DGKG: variants seen among roughly 807,000 people sequenced by gnomAD.
The protein encoded by DGKG is diacylglycerol kinase gamma, also known as DAG kinase gamma.
DGKG carries 78 observed loss-of-function variants against 105.3 expected under a neutral mutation model. The ratio of observed to expected loss-of-function variants is 0.74; its 90% CI spans 0.62 to 0.89. The LOEUF (loss-of-function observed/expected upper bound fraction) is 0.89, where lower values mean the gene tolerates loss of function less well. Among genes scored for constraint, DGKG ranks in the 40% least tolerant of loss-of-function variants. The pLI, the probability that DGKG is intolerant of heterozygous loss-of-function variation, is 0.00. For synonymous variants in DGKG, 346 were observed against 367.1 expected (o/e 0.94, Z 0.66); for missense variants, 958 against 1,020.1 (o/e 0.94, Z 0.83).
intron 8 of DGKG, among the ~76,000 whole-genome samples, chr3:186,280,205 T>C (rs1311675525): frequency 1.3e-5 from 2 of 152,182 alleles, no homozygotes; most frequent in African/African-American, 2.4e-5. Context: ...GGTTTGCTTA[T>C]CTGTAAAAAT....
intron 14 of DGKG, among the ~76,000 whole-genome samples, chr3:186,264,243 G>A (rs966067039): frequency 1.5e-5 from 2 of 137,134 alleles, no homozygotes; most frequent in Non-Finnish European, 3.2e-5. Flanking sequence ...CCCCTCATTC[G>A]GCCTTATGTT....
chr3:186,299,977 A>G (rs1165195548), intron 3 of DGKG, among the ~76,000 whole-genome samples: 1 of 151,866 alleles, frequency 6.6e-6, no homozygotes, highest in African/African-American at 2.4e-5. Flanking sequence ...AGCTGGGATT[A>G]CAGGCACGTG....
chr3:186,258,078 A>G (rs1578736833), intron 16 of DGKG, 139 bp from the exon 17 acceptor site: 8 of 679,758 alleles, frequency 1.2e-5, no homozygotes, highest in South Asian at 5.2e-5. Context: ...GGGTCACTCA[A>G]TGTTCTGAAA....
intron 10 of DGKG, 98 bp from the exon 11 acceptor site, chr3:186,272,441 G>T: frequency 1.2e-6 from 1 of 844,992 alleles, no homozygotes; most frequent in East Asian, 2.6e-5. Flanking sequence ...CCTCCCTTTG[G>T]GTGGCTGGCG....
At chr3:186,294,008 T>A (rs986747185) in intron 5 of DGKG, among the ~76,000 whole-genome samples, 1 of 152,200 alleles carries the variant, frequency 6.6e-6, no homozygotes, top group Non-Finnish European at 1.5e-5. Flanking sequence ...AGTCAGATAA[T>A]TGCCCTTTCA....
Position 186,149,953 on chromosome 3 carries a change from C to A in DGKG, c.*137G>T. Reference sequence around the variant, plus strand: ...GTGACGTTTTCTTCCCGAAGGGTGGCTTTGCTTCCACTGGTTAGAGAAGAG... The same window carrying A: ...GTGACGTTTTCTTCCCGAAGGGTGGATTTGCTTCCACTGGTTAGAGAAGAG... On this transcript the variant is annotated 3_prime_UTR_variant, in exon 25 of 25. Coordinates refer to ENST00000265022, the MANE Select transcript of DGKG (RefSeq NM_001346.3). The A allele has an allele frequency of 7.0e-7, 1 of 1,425,326 alleles. No individual in the cohort carries two copies. The allele number at this position is 1,425,326 out of a possible 1,614,324, so 88.3% of individuals were successfully genotyped here. A position where few individuals can be genotyped will look rare whatever the true frequency, so the allele number is the denominator to read the frequency against.
At chr3:186,273,335 T>A (rs527280099) in intron 10 of DGKG, among the ~76,000 whole-genome samples, 1 of 151,502 alleles carries the variant, frequency 6.6e-6, no homozygotes, top group African/African-American at 2.4e-5. Context: ...AAGAGCTGGG[T>A]TTGAACTGGC....
At position 186,147,387 on chromosome 3, in the gene DGKG, T is replaced by A; in HGVS notation, c.*2703A>T. ...CTTGTTCTCCTCATTGAGATCGAGA[T>A]AATAATACCTTCTCTGCTAACCTCA... On this transcript the variant is annotated 3_prime_UTR_variant, in exon 25 of 25. Transcript: ENST00000265022. 1.0e-6 allele frequency: 1 copy of A among 979,624 alleles called. No homozygotes were observed. The highest frequency in any genetic ancestry group is 1.2e-6 in the Non-Finnish European group (1 of 824,300). The allele number at this position is 979,624 out of a possible 1,614,324, so 60.7% of individuals were successfully genotyped here.
intron 20 of DGKG, among the ~76,000 whole-genome samples, chr3:186,224,640 G>T (rs898956888): frequency 6.6e-6 from 1 of 152,118 alleles, no homozygotes; most frequent in Non-Finnish European, 1.5e-5. Context: ...ATCTCAGCAG[G>T]TTAGAATCTA....
chr3:186,320,606 C>A lies in DGKG; in HGVS notation c.-147G>T. The A allele has an allele frequency of 1.5e-6, 2 of 1,319,352 alleles. No homozygotes were observed. The highest frequency in any genetic ancestry group is 2.0e-6 in the Non-Finnish European group (2 of 976,792). 81.7% of individuals were successfully genotyped at this position (1,319,352 alleles called of 1,614,324 possible). ...TCTGGGAGCACTCAAGTGTATACAG[C>A]AGCAGCAGGCACCTCTCAGAAGATG... On this transcript the variant is annotated 5_prime_UTR_variant, in exon 2 of 25. Transcript: ENST00000265022.
chr3:186,322,265 G>A (rs1257025997), intron 1 of DGKG, among the ~76,000 whole-genome samples: 1 of 152,198 alleles, frequency 6.6e-6, no homozygotes, highest in Non-Finnish European at 1.5e-5. Context: ...ATGAGATCCT[G>A]TTCCTTGCAG....
chr3:186,287,825 T>C (rs1356107925), intron 6 of DGKG, among the ~76,000 whole-genome samples: 1 of 152,250 alleles, frequency 6.6e-6, no homozygotes, highest in East Asian at 1.9e-4. Flanking sequence ...CTTCCCTTGC[T>C]TATGTTTAAG....
At chr3:186,260,357 A>G (rs1721705954) in intron 16 of DGKG, 82 bp downstream of exon 16, 1 of 1,027,272 alleles carries the variant, frequency 9.7e-7, no homozygotes, top group Admixed American at 2.1e-5. Flanking sequence ...ACGAAAGAAA[A>G]AAAAGGTGAC....
At chr3:186,188,872 T>C (rs944438762) in intron 21 of DGKG, among the ~76,000 whole-genome samples, 5 of 152,168 alleles carry the variant, frequency 3.3e-5, no homozygotes, top group African/African-American at 4.8e-5. Flanking sequence ...TGGAGTGCAG[T>C]GGCACAATCT....
intron 1 of DGKG, among the ~76,000 whole-genome samples, chr3:186,327,880 C>T (rs1036524118): frequency 6.6e-6 from 1 of 152,118 alleles, no homozygotes; most frequent in African/African-American, 2.4e-5. Context: ...CTTCAGAAGC[C>T]TCCCTTGGCC....
intron 11 of DGKG, 91 bp downstream of exon 11, chr3:186,272,164 C>T: frequency 3.1e-6 from 3 of 981,582 alleles, no homozygotes; most frequent in Non-Finnish European, 3.3e-6. Context: ...GGATGAAGCT[C>T]CCAGTGCCCC....
intron 1 of DGKG, among the ~76,000 whole-genome samples, chr3:186,324,937 C>T (rs1445443178): frequency 6.6e-6 from 1 of 152,226 alleles, no homozygotes; most frequent in Non-Finnish European, 1.5e-5. Flanking sequence ...TGGAATCAAC[C>T]TGGATTTATC....
At chr3:186,275,392 A>G (rs909746669) in intron 10 of DGKG, among the ~76,000 whole-genome samples, 155 bp downstream of exon 10, 6 of 152,246 alleles carry the variant, frequency 3.9e-5, no homozygotes, top group Non-Finnish European at 7.3e-5. Flanking sequence ...AAAACAGGAC[A>G]TGAAGGCCTC....
intron 5 of DGKG, among the ~76,000 whole-genome samples, chr3:186,293,457 C>T (rs559308471): frequency 3.3e-5 from 5 of 152,302 alleles, no homozygotes; most frequent in Admixed American, 6.5e-5. Flanking sequence ...TCTCGACAGC[C>T]TGAGAAACTA....
Sources: gnomAD v4.1 joint callset for allele counts (sites outside exome capture counted in the v4.1 genomes callset) on GRCh38, gnomAD v4.1.1 for gene constraint, MANE v1.5 for transcripts, NCBI Gene and HGNC (gene_info 2026-07-23, HGNC 2026-07-21) for gene names.